The following RPS6KC1 variants were observed in gnomAD, a reference collection of about 807,000 sequenced individuals.
RPS6KC1 encodes ribosomal protein S6 kinase C1.
A neutral mutation model predicts 103.8 loss-of-function variants in RPS6KC1; 54 were observed. The observed-to-expected ratio is 0.52, with a 90% CI of 0.42 to 0.65. RPS6KC1 has a LOEUF of 0.65. Ranked by LOEUF, RPS6KC1 falls within the 30% of genes least tolerant of loss-of-function variation. The probability of loss-of-function intolerance (pLI) is 0.00; values close to 1 mark genes in which losing one functional copy is unlikely to be tolerated. For missense variants in RPS6KC1, 1,151 were observed against 1,253.8 expected (o/e 0.92, Z 1.24); for synonymous variants, 439 against 438.7 (o/e 1.00, Z -0.01).
At chr1:213,771,459 T>G in the RPS6KC1 span, among the ~76,000 whole-genome samples, 1 of 152,136 alleles carries the variant, frequency 6.6e-6, no homozygotes, top group Non-Finnish European at 1.5e-5. Flanking sequence ...CCCCTGCCTA[T>G]CAATAATCAG....
the RPS6KC1 span, among the ~76,000 whole-genome samples, chr1:213,295,603 A>C: frequency 1.3e-5 from 2 of 152,250 alleles, no homozygotes; most frequent in Non-Finnish European, 2.9e-5. Flanking sequence ...TTAATTCTTT[A>C]AGTGAATTTT....
chr1:213,380,282 C>G, the RPS6KC1 span, among the ~76,000 whole-genome samples: 1 of 152,140 alleles, frequency 6.6e-6, no homozygotes, highest in Non-Finnish European at 1.5e-5. Flanking sequence ...GATGCGAACA[C>G]ATGGACACAG....
the RPS6KC1 span, among the ~76,000 whole-genome samples, chr1:213,444,172 C>T: frequency 1.3e-5 from 2 of 152,140 alleles, no homozygotes; most frequent in African/African-American, 2.4e-5. Flanking sequence ...GTGGCATTCT[C>T]TCTCTGTGCA....
chr1:213,548,601 C>T, the RPS6KC1 span, among the ~76,000 whole-genome samples: 1 of 152,158 alleles, frequency 6.6e-6, no homozygotes, highest in Non-Finnish European at 1.5e-5. Context: ...GCAGAGGTTG[C>T]AGTCAGCCTA....
chr1:213,536,694 G>A, the RPS6KC1 span, among the ~76,000 whole-genome samples: 5 of 152,314 alleles, frequency 3.3e-5, no homozygotes, highest in East Asian at 7.7e-4. Flanking sequence ...AAGCATACGA[G>A]AGCTAGCTGC....
the RPS6KC1 span, among the ~76,000 whole-genome samples, chr1:213,422,998 G>A: frequency 9.8e-5 from 15 of 152,314 alleles, no homozygotes; most frequent in African/African-American, 3.6e-4. Flanking sequence ...AGAAAAACCT[G>A]GAGTTTCACT....
the RPS6KC1 span, among the ~76,000 whole-genome samples, chr1:213,455,190 G>A: frequency 1.3e-5 from 2 of 152,212 alleles, no homozygotes; most frequent in South Asian, 4.1e-4. Flanking sequence ...AGGAAATTGA[G>A]TGCTGGCTGT....
At chr1:213,092,083 G>A (rs932118307) in intron 3 of RPS6KC1, among the ~76,000 whole-genome samples, 6 of 151,682 alleles carry the variant, frequency 4.0e-5, no homozygotes, top group Non-Finnish European at 8.8e-5. Context: ...TATTACCATT[G>A]CTTTTAGATC....
At chr1:213,341,004 A>C in the RPS6KC1 span, among the ~76,000 whole-genome samples, 1 of 152,244 alleles carries the variant, frequency 6.6e-6, no homozygotes, top group Admixed American at 6.5e-5. Flanking sequence ...GTCACTTAGC[A>C]TTGCTGAGCC....
the RPS6KC1 span, among the ~76,000 whole-genome samples, chr1:213,451,690 A>G: frequency 6.6e-6 from 1 of 152,230 alleles, no homozygotes; most frequent in Non-Finnish European, 1.5e-5. Context: ...TCTCGAAAGT[A>G]CTTTCCATTC....
chr1:213,359,743 G>T, the RPS6KC1 span, among the ~76,000 whole-genome samples: 1 of 152,142 alleles, frequency 6.6e-6, no homozygotes, highest in Non-Finnish European at 1.5e-5. Flanking sequence ...GCTCTTTAGG[G>T]CAAGCCTGGT....
the RPS6KC1 span, among the ~76,000 whole-genome samples, chr1:213,530,954 T>C: frequency 6.6e-6 from 1 of 152,238 alleles, no homozygotes; most frequent in Non-Finnish European, 1.5e-5. Context: ...GTCTTGTGTA[T>C]ACAGATTGGA....
intron 1 of RPS6KC1, among the ~76,000 whole-genome samples, chr1:213,062,634 G>T (rs2148368706): frequency 6.6e-6 from 1 of 151,692 alleles, no homozygotes; most frequent in Middle Eastern, 3.4e-3. Context: ...TTGGCTCTCT[G>T]CAACCTCTGC....
chr1:213,862,597 A>G, the RPS6KC1 span, among the ~76,000 whole-genome samples: 3 of 152,092 alleles, frequency 2.0e-5, no homozygotes, highest in African/African-American at 7.2e-5. Flanking sequence ...AGGAGTACTC[A>G]GTCCACTCTT....
intron 8 of RPS6KC1, among the ~76,000 whole-genome samples, chr1:213,185,246 C>T (rs2092468051): frequency 6.6e-6 from 1 of 152,064 alleles, no homozygotes; most frequent in Admixed American, 6.6e-5. Flanking sequence ...TATCTTTTTC[C>T]ACCCCTTCAC....
chr1:213,564,169 G>A, the RPS6KC1 span, among the ~76,000 whole-genome samples: 3 of 151,928 alleles, frequency 2.0e-5, no homozygotes, highest in Admixed American at 6.6e-5. Flanking sequence ...AGAGAAAATC[G>A]TTTTTAGTCA....
the RPS6KC1 span, among the ~76,000 whole-genome samples, chr1:213,450,055 T>C: frequency 6.6e-6 from 1 of 152,132 alleles, no homozygotes; most frequent in Non-Finnish European, 1.5e-5. Context: ...GCTTAACCTC[T>C]CTGTGACTCG....
the RPS6KC1 span, among the ~76,000 whole-genome samples, chr1:213,418,392 T>C: frequency 6.6e-6 from 1 of 152,032 alleles, no homozygotes; most frequent in African/African-American, 2.4e-5. Context: ...GAGGAGAGCA[T>C]TTGGGGACCA....
intron 1 of RPS6KC1, among the ~76,000 whole-genome samples, chr1:213,066,737 A>G (rs552213809): frequency 4.6e-5 from 7 of 152,346 alleles, no homozygotes; most frequent in East Asian, 3.9e-4. Context: ...GTGATTATCT[A>G]TGGGAAAACA....
Sources: allele counts gnomAD v4.1 joint callset (sites outside exome capture counted in the v4.1 genomes callset), GRCh38; gene constraint gnomAD v4.1.1; transcripts MANE v1.5; gene names NCBI Gene and HGNC (gene_info 2026-07-23, HGNC 2026-07-21).